Variants in ASIC2 observed in about 807,000 individuals in gnomAD.
The protein encoded by ASIC2 is acid-sensing ion channel 2.
In ASIC2, 25 loss-of-function variants were observed where a neutral mutation model predicts 57.3. The observed-to-expected ratio is 0.44, with a 90% CI of 0.32 to 0.61. ASIC2 has a LOEUF of 0.61. Among genes scored for constraint, ASIC2 ranks in the 20% least tolerant of loss-of-function variants. The pLI is 0.06. For synonymous variants in ASIC2, 319 were observed against 307.5 expected (o/e 1.04, Z -0.39); for missense variants, 641 against 738.1 (o/e 0.87, Z 1.52).
intron 1 of ASIC2, among the ~76,000 whole-genome samples, chr17:33,339,412 G>A (rs1446792968): frequency 1.3e-5 from 2 of 152,214 alleles, no homozygotes; most frequent in Non-Finnish European, 2.9e-5. Flanking sequence ...AATGATGGGC[G>A]AGGCTGTGTT....
chr17:33,587,230 G>A (rs1425922161), intron 1 of ASIC2, among the ~76,000 whole-genome samples: 1 of 152,180 alleles, frequency 6.6e-6, no homozygotes, highest in African/African-American at 2.4e-5. Context: ...TTTACTATCT[G>A]ATCCTTTACA....
intron 1 of ASIC2, among the ~76,000 whole-genome samples, chr17:33,620,260 A>T (rs1455969075): frequency 6.6e-6 from 1 of 151,770 alleles, no homozygotes; most frequent in Non-Finnish European, 1.5e-5. Flanking sequence ...AAAAAAAAAA[A>T]ACACGTCCTG....
intron 1 of ASIC2, among the ~76,000 whole-genome samples, chr17:34,087,810 C>T (rs1470092195): frequency 1.3e-5 from 2 of 152,092 alleles, no homozygotes; most frequent in African/African-American, 2.4e-5. Context: ...TCACTGATAC[C>T]CTTTCTTCCA....
intron 1 of ASIC2, among the ~76,000 whole-genome samples, chr17:33,277,938 T>C (rs1236631384): frequency 6.6e-6 from 1 of 152,232 alleles, no homozygotes; most frequent in Admixed American, 6.5e-5. Flanking sequence ...AGGAGCCAGA[T>C]GTACCCACAG....
At chr17:34,039,437 G>C (rs1457964998) in intron 1 of ASIC2, 1 of 1,613,602 alleles carries the variant, frequency 6.2e-7, no homozygotes, top group African/African-American at 1.3e-5. Flanking sequence ...AGGGTTGGCA[G>C]AGCAGACTGC....
At position 33,776,237 on chromosome 17, in the gene ASIC2, T is replaced by C. The variant is rs530858569; in HGVS notation, c.555+379741A>G. ...TTATTGGTATTAGGAGGTGGGGCCT[T>C]TGGGAGGTGAGTAGGTCCTGAGGGT... On this transcript the variant is annotated intron_variant, in intron 1 of 9. Coordinates refer to the ASIC2 transcript ENST00000359872. 2.6e-5 allele frequency among the ~76,000 whole-genome samples: 4 copies of C among 152,154 alleles called. No individual in the cohort carries two copies. The East Asian group carries it at 5.8e-4, about 22-fold the overall frequency.
At chr17:33,368,745 A>T (rs1244476539) in intron 1 of ASIC2, among the ~76,000 whole-genome samples, 1 of 151,982 alleles carries the variant, frequency 6.6e-6, no homozygotes, top group Admixed American at 6.6e-5. Flanking sequence ...TTTGGCCACC[A>T]TCTTTCCTCT....
intron 7 of ASIC2, among the ~76,000 whole-genome samples, chr17:33,020,752 A>G (rs114825905): frequency 7.1e-4 from 108 of 152,112 alleles, no homozygotes; most frequent in African/African-American, 2.5e-3. Context: ...GGATGCAGCA[A>G]TGTTGCTTTT....
intron 1 of ASIC2, among the ~76,000 whole-genome samples, chr17:33,120,606 G>A (rs532173037): frequency 1.2e-4 from 19 of 152,184 alleles, no homozygotes; most frequent in Non-Finnish European, 1.8e-4. Context: ...CCCAAATTTG[G>A]TCTGACTTGA....
chr17:33,491,460 A>C (rs1335491760), intron 1 of ASIC2, among the ~76,000 whole-genome samples: 1 of 152,222 alleles, frequency 6.6e-6, no homozygotes, highest in East Asian at 1.9e-4. Flanking sequence ...CTTCTGATTT[A>C]CTGCATGCAT....
intron 1 of ASIC2, among the ~76,000 whole-genome samples, chr17:33,618,095 T>C (rs1454935587): frequency 2.0e-5 from 3 of 152,082 alleles, no homozygotes; most frequent in Non-Finnish European, 4.4e-5. Flanking sequence ...ATGGATAACC[T>C]AGTTATGGAC....
At chr17:33,424,566 G>A (rs911150044) in intron 1 of ASIC2, among the ~76,000 whole-genome samples, 2 of 152,350 alleles carry the variant, frequency 1.3e-5, no homozygotes, top group African/African-American at 4.8e-5. Flanking sequence ...GGAAGCTAAT[G>A]TCTTTATCTG....
intron 3 of ASIC2, among the ~76,000 whole-genome samples, chr17:33,032,416 C>T (rs1346984968): frequency 7.1e-6 from 1 of 139,910 alleles, no homozygotes; most frequent in Non-Finnish European, 1.5e-5. Context: ...ACTTCTACAT[C>T]TGTTATAAGC....
chr17:33,647,083 G>T (rs1906764629), intron 1 of ASIC2, among the ~76,000 whole-genome samples: 1 of 152,178 alleles, frequency 6.6e-6, no homozygotes, highest in South Asian at 2.1e-4. Context: ...GCCCTGTACT[G>T]TTGTTTGGCC....
At chr17:33,383,992 C>G (rs1244963332) in intron 1 of ASIC2, among the ~76,000 whole-genome samples, 1 of 152,108 alleles carries the variant, frequency 6.6e-6, no homozygotes, top group African/African-American at 2.4e-5. Context: ...GGAGTGGAAG[C>G]TAAGCATGCA....
At chr17:33,723,943 A>G (rs1909464813) in intron 1 of ASIC2, among the ~76,000 whole-genome samples, 1 of 152,168 alleles carries the variant, frequency 6.6e-6, no homozygotes, top group African/African-American at 2.4e-5. Context: ...AGGACTTTAC[A>G]GGAATAGTCA....
chr17:33,557,051 C>T (rs998167669), intron 1 of ASIC2, among the ~76,000 whole-genome samples: 8 of 152,184 alleles, frequency 5.3e-5, no homozygotes, highest in African/African-American at 1.9e-4. Flanking sequence ...ATCATCATCA[C>T]ATTAGCTAGT....
At chr17:33,827,337 C>CTTTTTTTTTTTTTTTTTTTTTT (rs375695905) in intron 1 of ASIC2, among the ~76,000 whole-genome samples, 5,502 of 76,116 alleles carry the variant, frequency 0.072, 1,796 homozygotes, top group Non-Finnish European at 0.093. Flanking sequence ...GCAGCTCACT[C>CTTTTTTTTTTTTTTTTTTTTTT]TTTTTTTTTT....
intron 1 of ASIC2, among the ~76,000 whole-genome samples, chr17:33,725,594 C>T (rs759011233): frequency 3.3e-5 from 5 of 152,170 alleles, no homozygotes; most frequent in Admixed American, 6.5e-5. Flanking sequence ...ACGTGAAATA[C>T]AATGGCACCT....
Sources: gnomAD v4.1 joint callset for allele counts (sites outside exome capture counted in the v4.1 genomes callset) on GRCh38, gnomAD v4.1.1 for gene constraint, MANE v1.5 for transcripts, NCBI Gene and HGNC (gene_info 2026-07-23, HGNC 2026-07-21) for gene names.